Variants in PEX14 observed in about 807,000 individuals in gnomAD.
The protein encoded by PEX14 is peroxisomal biogenesis factor 14.
A neutral mutation model predicts 49.5 loss-of-function variants in PEX14; 15 were observed. The observed-to-expected ratio is 0.30, with a 90% confidence interval of 0.20 to 0.47. The LOEUF (loss-of-function observed/expected upper bound fraction) is 0.47. Among genes scored for constraint, PEX14 ranks in the 20% least tolerant of loss-of-function variants. The pLI, the probability that PEX14 is intolerant of heterozygous loss-of-function variation, is 1.00. For synonymous variants in PEX14, 210 were observed against 212.7 expected (o/e 0.99, Z 0.11); for missense variants, 398 against 494.8 (o/e 0.80, Z 1.86).
At chr1:10,618,469 T>G in intron 5 of PEX14, 52 bp downstream of exon 5, 1 of 1,339,752 alleles carries the variant, frequency 7.5e-7, no homozygotes, top group Non-Finnish European at 1.1e-6. Flanking sequence ...CCCTGTGGCA[T>G]TCAGCACCCT....
intron 3 of PEX14, among the ~76,000 whole-genome samples, chr1:10,570,417 C>G (rs1002995980): frequency 6.6e-6 from 1 of 151,610 alleles, no homozygotes; most frequent in Non-Finnish European, 1.5e-5. Context: ...ACTGCAATCT[C>G]CACCTCCCGT....
Position 10,494,775 on chromosome 1 carries a change from C to A in PEX14, c.37-499C>A, listed in dbSNP as rs1315620543. On this transcript the variant is annotated intron_variant, in intron 1 of 8. Transcript: ENST00000356607. This position sits in a 1 kb window ranked among gnomAD's most constrained non-coding sequence, Gnocchi z 4.3. ...CCTGTGTAGTTTACTGGCTTCTGGG[C>A]TCCAGAAACTAGATGCCCAGAGAAA... Among the ~76,000 whole-genome samples, 2 of 152,192 alleles carry A rather than the reference C, an allele frequency of 1.3e-5. No homozygotes were observed. The highest frequency in any genetic ancestry group is 1.5e-5 in the Non-Finnish European group (1 of 68,036).
intron 4 of PEX14, among the ~76,000 whole-genome samples, chr1:10,611,178 A>G (rs1333216016): frequency 2.0e-5 from 3 of 152,016 alleles, no homozygotes; most frequent in African/African-American, 7.2e-5. Flanking sequence ...CAGGAGAATC[A>G]CTTGAACCCA....
intron 4 of PEX14, among the ~76,000 whole-genome samples, chr1:10,616,412 G>A (rs1337741199): frequency 6.6e-6 from 1 of 152,224 alleles, no homozygotes; most frequent in Non-Finnish European, 1.5e-5. Flanking sequence ...CAAGCAGCAA[G>A]TCCTTCAGCT....
intron 3 of PEX14, among the ~76,000 whole-genome samples, chr1:10,550,059 A>C (rs1161548508): frequency 6.6e-6 from 1 of 152,226 alleles, no homozygotes; most frequent in Non-Finnish European, 1.5e-5. Flanking sequence ...TACATAAAAC[A>C]AACAGAGGCC....
At chr1:10,583,680 T>C (rs1467346882) in intron 3 of PEX14, among the ~76,000 whole-genome samples, 1 of 151,246 alleles carries the variant, frequency 6.6e-6, no homozygotes, top group African/African-American at 2.4e-5. Context: ...GTAAGAGCAA[T>C]AGAGGATTCT....
chr1:10,488,420 A>G (rs1351690477), intron 1 of PEX14, among the ~76,000 whole-genome samples: 4 of 150,192 alleles, frequency 2.7e-5, no homozygotes, highest in South Asian at 2.1e-4. Flanking sequence ...GCCTCCCAAA[A>G]TGCTGGGATT....
rs1319243139 is a variant in PEX14, at chr1:10,514,203, G to C, written c.84+18882G>C. On this transcript the variant is annotated intron_variant, in intron 2 of 8. Transcript: ENST00000356607. The surrounding 1 kb of genome is among the most constrained non-coding windows in gnomAD (Gnocchi z 4.4). The stretch of plus-strand genomic sequence containing the variant: ...GTGTGTGTGTGTGTGTGTGTGTATG[G>C]TGTTAGAAACGGCAGAGTCACCTTC... Among the ~76,000 whole-genome samples, 1 of 127,990 alleles carries C rather than the reference G, an allele frequency of 7.8e-6. No homozygotes were observed. 84.0% of individuals were successfully genotyped at this position (127,990 alleles called of 152,430 possible). A position where few individuals can be genotyped will look rare whatever the true frequency, so the allele number is the denominator to read the frequency against.
At chr1:10,595,978 A>G (rs1640822677) in intron 3 of PEX14, among the ~76,000 whole-genome samples, 1 of 152,186 alleles carries the variant, frequency 6.6e-6, no homozygotes, top group Non-Finnish European at 1.5e-5. Context: ...CAAGGTCTCA[A>G]TCTAAGATCA....
intron 3 of PEX14, among the ~76,000 whole-genome samples, chr1:10,569,559 A>C (rs1400635568): frequency 6.6e-6 from 1 of 152,170 alleles, no homozygotes; most frequent in Non-Finnish European, 1.5e-5. Flanking sequence ...CTGTCTTCCA[A>C]CTTCCATGTG....
chr1:10,536,047 C>T (rs1471922717), intron 2 of PEX14, 166 bp from the exon 3 acceptor site: 11 of 647,440 alleles, frequency 1.7e-5, no homozygotes, highest in Non-Finnish European at 2.9e-5. Context: ...GAAACAACAT[C>T]GCCTTTCATT....
In PEX14 at chr1:10,511,813, G is replaced by T. The variant is rs1641888595; in HGVS notation, c.84+16492G>T. On this transcript the variant is annotated intron_variant, in intron 2 of 8. Coordinates refer to ENST00000356607, the MANE Select transcript of PEX14 (RefSeq NM_004565.3). ...GGTCTCTGGGACCTGTGACCTCTTT[G>T]ACTTCCAAGTCTTCTGTGGACTGCA... is the stretch of plus-strand genomic sequence containing the variant. 2.6e-5 allele frequency among the ~76,000 whole-genome samples: 4 copies of T among 152,198 alleles called. 1 individual carries two copies. The South Asian group carries it at 8.3e-4, about 32-fold the overall frequency.
In PEX14 at chr1:10,628,887, C is replaced by T. The variant is rs1641825568; in HGVS notation, c.678-644C>T. Among the ~76,000 whole-genome samples the T allele has an allele frequency of 6.6e-6, 1 of 152,192 alleles. No homozygotes were observed. Among genetic ancestry groups the T allele is most frequent in the Non-Finnish European group, 1.5e-5 (1 of 68,030 alleles). On this transcript the variant is annotated intron_variant, in intron 8 of 8. Coordinates refer to ENST00000356607, the MANE Select transcript of PEX14 (RefSeq NM_004565.3). The surrounding 1 kb of genome is among the most constrained non-coding windows in gnomAD (Gnocchi z 4.5). Reference sequence around the variant, plus strand: ...AGTGGACCTGACCTCCCAGGTCCCTCCTGGAATTGGCTTTGGTTTGGGCTG... The same window carrying T: ...AGTGGACCTGACCTCCCAGGTCCCTTCTGGAATTGGCTTTGGTTTGGGCTG...
At chr1:10,586,614 AAGG>A (rs1218984278) in intron 3 of PEX14, among the ~76,000 whole-genome samples, 4 of 145,520 alleles carry the variant, frequency 2.7e-5, no homozygotes, top group Non-Finnish European at 3.0e-5. Flanking sequence ...TGTTGAACAA[AAGG>A]AGCCGTTTAC....
chr1:10,612,333 T>G (rs935219186), intron 4 of PEX14, among the ~76,000 whole-genome samples: 2 of 152,110 alleles, frequency 1.3e-5, no homozygotes, highest in African/African-American at 4.8e-5. Context: ...TCTGAATTCT[T>G]AACAGCTTAA....
chr1:10,627,218 C>T (rs934449310), intron 7 of PEX14, 54 bp from the exon 8 acceptor site: 1 of 1,233,602 alleles, frequency 8.1e-7, no homozygotes, highest in African/African-American at 1.5e-5. Context: ...CAGCCGCAGG[C>T]CCCGCCCGTG....
Position 10,624,336 on chromosome 1 carries a change from G to C in PEX14, c.488-4G>C, listed in dbSNP as rs376837541. ...CCAGCGCCGTGACTGCTTTCTCCTC[G>C]CAGTGACTCAGTTACAGACGACCCT... On this transcript the variant is annotated splice_polypyrimidine_tract_variant and splice_region_variant and intron_variant, in intron 6 of 8. Coordinates refer to ENST00000356607, the MANE Select transcript of PEX14 (RefSeq NM_004565.3). 1.2e-6 allele frequency: 2 copies of C among 1,602,144 alleles called. No individual in the cohort carries two copies.
chr1:10,483,430 C>A (rs554587504), intron 1 of PEX14, among the ~76,000 whole-genome samples: 12 of 152,266 alleles, frequency 7.9e-5, no homozygotes, highest in Admixed American at 3.3e-4. Context: ...GATTCTCCCC[C>A]CTCAGCCTCC....
chr1:10,629,693 C>T lies in PEX14; in HGVS notation c.840C>T (p.Gly280=), dbSNP rs773098214. The part of the protein sequence containing the change: ...ESTSSSPGKE[G]HSPEGSTVTY... The stretch of plus-strand genomic sequence containing the variant: ...CGTCGTCCTCGCCTGGGAAGGAGGG[C>T]CACAGCCCCGAGGGCTCCACGGTCA... The change falls in exon 9 of 9, where the codon GGC becomes GGT. Residue 280 remains glycine (G), a synonymous_variant. Transcript: ENST00000356607. The surrounding 1 kb of genome is among the most constrained non-coding windows in gnomAD (Gnocchi z 8.5). 6.2e-7 allele frequency: 1 copy of T among 1,612,820 alleles called. No individual in the cohort carries two copies. Among genetic ancestry groups the T allele is most frequent in the Non-Finnish European group, 8.5e-7 (1 of 1,179,484 alleles).
Sources: allele counts gnomAD v4.1 joint callset (sites outside exome capture counted in the v4.1 genomes callset), GRCh38; gene constraint gnomAD v4.1.1; non-coding constraint Gnocchi (gnomAD v3.1); transcripts MANE v1.5; gene names NCBI Gene and HGNC (gene_info 2026-07-23, HGNC 2026-07-21).